NUP93: variants seen among roughly 807,000 people sequenced by gnomAD.
NUP93 encodes nuclear pore complex protein Nup93.
A neutral mutation model predicts 107.8 loss-of-function variants in NUP93; 55 were observed. That is an observed-to-expected ratio of 0.51 (90% CI 0.41 to 0.64). NUP93 has a LOEUF of 0.64. NUP93 is among the 30% of genes least tolerant of loss of function. The pLI, the probability that NUP93 is intolerant of heterozygous loss-of-function variation, is 0.00. For synonymous variants in NUP93, 390 were observed against 397.5 expected (o/e 0.98, Z 0.22); for missense variants, 937 against 1,044.7 (o/e 0.90, Z 1.42).
intron 4 of NUP93, 80 bp downstream of exon 4, chr16:56,798,618 A>C: frequency 1.7e-6 from 2 of 1,170,328 alleles, no homozygotes; most frequent in Non-Finnish European, 2.6e-6. Flanking sequence ...CTGTAATCCT[A>C]ACACTTTGGG....
At chr16:56,815,525 A>G (rs1963401964) in intron 5 of NUP93, among the ~76,000 whole-genome samples, 1 of 152,156 alleles carries the variant, frequency 6.6e-6, no homozygotes, top group Admixed American at 6.5e-5. Context: ...TTTAGGTCAT[A>G]TTTCTGAGGT....
intron 8 of NUP93, among the ~76,000 whole-genome samples, chr16:56,828,452 GTA>G (rs1474868891): frequency 6.6e-6 from 1 of 152,114 alleles, no homozygotes; most frequent in Non-Finnish European, 1.5e-5. Flanking sequence ...GAGCCATATG[GTA>G]TTTATGGATA....
At chr16:56,808,098 C>T in intron 5 of NUP93, among the ~76,000 whole-genome samples, 1 of 127,784 alleles carries the variant, frequency 7.8e-6, no homozygotes, top group Non-Finnish European at 1.6e-5. Context: ...TAAATATACA[C>T]ACACATATAA....
rs773431678 is a variant in NUP93, at chr16:56,798,530, C to T, written c.352C>T (p.Arg118Trp). ...NALLSAIEESRKRTFGMAEEY... is the reference protein window; with the variant it reads ...NALLSAIEESWKRTFGMAEEY... ...CCTGCTGTCTGCCATCGAAGAGTCC[C>T]GGAAGAGGGTAAGAAAATTAACCAA... Residue 118 changes from arginine (R) to tryptophan (W), a missense_variant, in exon 4 of 22, where the codon CGG (arginine) becomes TGG (tryptophan). Arg to Trp is a moderately radical substitution (Grantham distance 101). Transcript: ENST00000308159. 7.4e-6 allele frequency: 12 copies of T among 1,613,610 alleles called. No individual in the cohort carries two copies. Among genetic ancestry groups the T allele is most frequent in the East Asian group, 2.2e-5 (1 of 44,880 alleles).
At chr16:56,799,679 T>C (rs144404437) in intron 4 of NUP93, among the ~76,000 whole-genome samples, 3 of 152,310 alleles carry the variant, frequency 2.0e-5, no homozygotes, top group Admixed American at 1.3e-4. Context: ...TTAATTCTTA[T>C]ATCCAGTGAA....
intron 8 of NUP93, among the ~76,000 whole-genome samples, chr16:56,827,671 A>C (rs1436363651): frequency 6.6e-6 from 1 of 152,252 alleles, no homozygotes; most frequent in Non-Finnish European, 1.5e-5. Flanking sequence ...GATCCAGCTT[A>C]CAAGATATTC....
In NUP93 at chr16:56,763,503, G is replaced by GGT. The variant is rs371566784; in HGVS notation, c.297+4859_297+4860dup. ...CTGCTTGTGTGTGTGTGTGTGGGTGGGTGTGTGTGTGTATGTGTGGGTGTG... is the reference window on the plus strand; with the variant it reads ...CTGCTTGTGTGTGTGTGTGTGGGTGGGTGTGTGTGTGTGTATGTGTGGGTGTG... On this transcript the variant is annotated intron_variant, in intron 3 of 21. Transcript: ENST00000308159. Among the ~76,000 whole-genome samples the GGT allele has an allele frequency of 2.9e-3, 429 of 150,234 alleles. 1 individual carries two copies. The highest frequency in any genetic ancestry group is 5.3e-3 in the Admixed American group (80 of 15,054).
chr16:56,772,371 C>T (rs1222672424), intron 3 of NUP93, among the ~76,000 whole-genome samples: 2 of 152,202 alleles, frequency 1.3e-5, no homozygotes, highest in Admixed American at 6.5e-5. Context: ...ATTCTTTATA[C>T]CTTGTCCTGT....
intron 2 of NUP93, among the ~76,000 whole-genome samples, chr16:56,751,738 G>A (rs1037443018): frequency 4.0e-5 from 6 of 150,586 alleles, no homozygotes; most frequent in Middle Eastern, 6.8e-3. Context: ...TGCTTCCCAT[G>A]TATGCTGGGA....
intron 3 of NUP93, among the ~76,000 whole-genome samples, chr16:56,764,225 C>T (rs1470950674): frequency 2.6e-5 from 4 of 152,066 alleles, no homozygotes; most frequent in African/African-American, 9.7e-5. Context: ...ATGCGGTGGC[C>T]CACACCTGTA....
chr16:56,790,284 C>T (rs1962730460), intron 3 of NUP93, among the ~76,000 whole-genome samples: 1 of 152,150 alleles, frequency 6.6e-6, no homozygotes, highest in Non-Finnish European at 1.5e-5. Context: ...GTAATAGTGT[C>T]TAATGAAATA....
At position 56,792,115 on chromosome 16, in the gene NUP93, G is replaced by T. The variant is rs534917779; in HGVS notation, c.298-6361G>T. 1.1e-4 allele frequency among the ~76,000 whole-genome samples: 17 copies of T among 152,256 alleles called. No homozygotes were observed. In the South Asian group the frequency reaches 3.5e-3, roughly 32 times the overall value. ...GGATCACTTGAGCACAGGAGTTTGC[G>T]GCTGCAGTGAGCTGTGATTGTGCCA... is the stretch of plus-strand genomic sequence containing the variant. On this transcript the variant is annotated intron_variant, in intron 3 of 21. Coordinates refer to ENST00000308159, the MANE Select transcript of NUP93 (RefSeq NM_014669.5).
At chr16:56,806,530 G>A (rs1963144823) in intron 5 of NUP93, among the ~76,000 whole-genome samples, 1 of 152,096 alleles carries the variant, frequency 6.6e-6, no homozygotes, top group South Asian at 2.1e-4. Flanking sequence ...ATTGGCCGAG[G>A]CTGCACTCAT....
Position 56,834,357 on chromosome 16 carries a change from A to G in NUP93, c.1665-13A>G. 6.2e-7 allele frequency: 1 copy of G among 1,614,100 alleles called. No individual in the cohort carries two copies. Among genetic ancestry groups the G allele is most frequent in the Non-Finnish European group, 8.5e-7 (1 of 1,179,956 alleles). ...GTCCAGACTGGAAACTGAGTTGTTT[A>G]TTTCCCTTACAGGGATGAGAAAGAT... On this transcript the variant is annotated splice_polypyrimidine_tract_variant and intron_variant, in intron 14 of 21. Transcript: ENST00000308159.
chr16:56,733,164 G>A (rs1220291366), intron 1 of NUP93, among the ~76,000 whole-genome samples: 1 of 152,158 alleles, frequency 6.6e-6, no homozygotes, highest in Non-Finnish European at 1.5e-5. Flanking sequence ...GTATATAATT[G>A]GGGGAAGGCA....
rs749590224 is a variant in NUP93 at position 56,833,189 on chromosome 16, ATCTCC to A, written c.1346-11_1346-7del. On this transcript the variant is annotated intron_variant, in intron 12 of 21. Coordinates refer to ENST00000308159, the MANE Select transcript of NUP93 (RefSeq NM_014669.5). ...AGCCCCTTCTTTCTAAGTTGGTTTT[ATCTCC>A]TCTCCTCTCCTCTCTCCCAGGCGAG... The A allele has an allele frequency of 9.1e-5, 142 of 1,556,802 alleles. No homozygotes were observed. The highest frequency in any genetic ancestry group is 4.6e-4 in the Middle Eastern group (2 of 4,334).
rs546431369 is a variant in NUP93 at position 56,848,879 on chromosome 16, CTCGTTTTTT to C, written c.*4281_*4289del. 2 of 152,118 alleles carry C rather than the reference CTCGTTTTTT, an allele frequency of 1.3e-5. No homozygotes were observed. Among genetic ancestry groups the C allele is most frequent in the South Asian group, 2.1e-4 (1 of 4,830 alleles). The allele number at this position is 152,118 out of a possible 1,614,324, so 9.4% of individuals were successfully genotyped here. On this transcript the variant is annotated 3_prime_UTR_variant, in exon 22 of 22. Coordinates refer to ENST00000308159, the MANE Select transcript of NUP93 (RefSeq NM_014669.5). ...TTGTGCATAATTCTTTAAAAGTAGG[CTCGTTTTTT>C]TCGTTTTTTTGTCCAGGATCACCTA...
intron 16 of NUP93, 40 bp downstream of exon 16, chr16:56,834,818 T>C (rs778062169): frequency 6.8e-7 from 1 of 1,474,930 alleles, no homozygotes; most frequent in South Asian, 1.2e-5. Context: ...TCGTTAGCCA[T>C]TGGGGATTTA....
At chr16:56,830,755 A>G in intron 10 of NUP93, 70 bp downstream of exon 10, 2 of 1,370,508 alleles carry the variant, frequency 1.5e-6, no homozygotes, top group Non-Finnish European at 1.9e-6. Context: ...CACTGTCATT[A>G]TTCTCTTTTC....
Sources: gnomAD v4.1 joint callset for allele counts (sites outside exome capture counted in the v4.1 genomes callset) on GRCh38, gnomAD v4.1.1 for gene constraint, MANE v1.5 for transcripts, NCBI Gene and HGNC (gene_info 2026-07-23, HGNC 2026-07-21) for gene names.